Variants in PLXNA4 observed in about 807,000 individuals in gnomAD.
PLXNA4 encodes plexin-A4.
PLXNA4 carries 44 observed loss-of-function variants against 191.8 expected under a neutral mutation model. The observed-to-expected ratio is 0.23, with a 90% CI of 0.18 to 0.29. The LOEUF is 0.29. PLXNA4 is among the 10% of genes least tolerant of loss of function. PLXNA4 has a pLI of 1.00. For missense variants in PLXNA4, 1,800 were observed against 2,488.8 expected (o/e 0.72, Z 5.89); for synonymous variants, 1,082 against 1,009.5 (o/e 1.07, Z -1.36).
At chr7:132,214,776 G>C (rs879354793) in intron 9 of PLXNA4, among the ~76,000 whole-genome samples, 44 of 152,104 alleles carry the variant, frequency 2.9e-4, no homozygotes, top group Non-Finnish European at 1.3e-4. Context: ...TGGGAATCCT[G>C]TAACTGTGAG....
chr7:132,576,267 C>T lies in PLXNA4; in HGVS notation c.-87+155G>A, dbSNP rs1262422155. 6.6e-6 allele frequency among the ~76,000 whole-genome samples: 1 copy of T among 152,082 alleles called. No individual in the cohort carries two copies. Among genetic ancestry groups the T allele is most frequent in the Non-Finnish European group, 1.5e-5 (1 of 68,016 alleles). ...GCAGGTGCGCGAGCGCCGTGTGTGC[C>T]GGTGTGGATCTGTGTGTGTGCCTGC... On this transcript the variant is annotated intron_variant, in intron 1 of 31. Transcript: ENST00000321063. This position sits in a 1 kb window ranked among gnomAD's most constrained non-coding sequence, Gnocchi z 5.8.
intron 14 of PLXNA4, among the ~76,000 whole-genome samples, chr7:132,192,276 C>T (rs1190228231): frequency 3.3e-5 from 5 of 152,144 alleles, no homozygotes; most frequent in Non-Finnish European, 5.9e-5. Context: ...ATTCATCATC[C>T]ATTAACCCCC....
chr7:132,499,726 T>G (rs1201174266), intron 2 of PLXNA4, among the ~76,000 whole-genome samples: 2 of 152,182 alleles, frequency 1.3e-5, no homozygotes, highest in Non-Finnish European at 2.9e-5. Context: ...GAAATAAATT[T>G]TATTAGCCCC....
At chr7:132,227,664 T>A in intron 6 of PLXNA4, 60 bp from the exon 7 acceptor site, 1 of 1,602,446 alleles carries the variant, frequency 6.2e-7, no homozygotes, top group Middle Eastern at 1.7e-4. Flanking sequence ...AGGACAGGTA[T>A]GGAATAAAAA....
In PLXNA4 at chr7:132,228,396, G is replaced by A. The variant is rs374091023; in HGVS notation, c.1678C>T (p.Arg560Trp). The A allele has an allele frequency of 2.9e-5, 46 of 1,613,970 alleles. 1 individual carries two copies. Among genetic ancestry groups the A allele is most frequent in the Non-Finnish European group, 3.3e-5 (39 of 1,180,028 alleles). The stretch of plus-strand genomic sequence containing the variant: ...ATATTGTTGGGATGGACCGTCAGCC[G>A]GACACACTGCTTCATCTCCGAGGCA... ...RFASEMKQCV[R>W]LTVHPNNISV... is the part of the protein sequence containing the mutation. Residue 560 changes from arginine to tryptophan, a missense_variant, in exon 6 of 32, where the codon CGG (arginine) becomes TGG (tryptophan). Arg to Trp is a moderately radical substitution (Grantham distance 101). Transcript: ENST00000321063.
intron 4 of PLXNA4, among the ~76,000 whole-genome samples, chr7:132,258,472 G>A (rs1799509923): frequency 6.6e-6 from 1 of 152,220 alleles, no homozygotes; most frequent in African/African-American, 2.4e-5. Context: ...CTTGTTTTTG[G>A]GAGCAGAGTC....
chr7:132,276,415 C>T (rs1800282149), intron 4 of PLXNA4, among the ~76,000 whole-genome samples: 1 of 152,184 alleles, frequency 6.6e-6, no homozygotes, highest in South Asian at 2.1e-4. Flanking sequence ...GAGACTTCCT[C>T]CTACTCCCAC....
rs766542462 is a variant in PLXNA4, at chr7:132,164,216, C to T, written c.4426G>A (p.Ala1476Thr). 24 of 1,614,104 alleles carry T rather than the reference C, an allele frequency of 1.5e-5. No homozygotes were observed. Among genetic ancestry groups the T allele is most frequent in the African/African-American group, 6.7e-5 (5 of 74,946 alleles). Residue 1476 changes from alanine to threonine, a missense_variant, in exon 24 of 32, where the codon GCC (alanine) becomes ACC (threonine). Physicochemically the swap from Ala to Thr is moderately conservative, Grantham distance 58 (BLOSUM62 0). Around this residue, in one of 6 missense-constraint regions of PLXNA4, gnomAD observed 214 missense variants for 298.2 expected, o/e 0.72. Coordinates refer to ENST00000321063, the MANE Select transcript of PLXNA4 (RefSeq NM_020911.2). ...GAGTAGCGGGCCTCGCCCGTGATGGCGTCAATGGGGCCCTTCTCCATCTGC... is the reference window on the plus strand; with the variant it reads ...GAGTAGCGGGCCTCGCCCGTGATGGTGTCAATGGGGCCCTTCTCCATCTGC... ...KQQMEKGPID[A>T]ITGEARYSLS...
chr7:132,566,926 C>G (rs1801753400), intron 1 of PLXNA4, among the ~76,000 whole-genome samples: 1 of 152,140 alleles, frequency 6.6e-6, no homozygotes, highest in African/African-American at 2.4e-5. Context: ...CCTATTTTAT[C>G]AGTACAGTGA....
At chr7:132,187,403 A>G in intron 15 of PLXNA4, 68 bp downstream of exon 15, 10 of 1,554,004 alleles carry the variant, frequency 6.4e-6, no homozygotes, top group African/African-American at 1.4e-5. Flanking sequence ...AAACAAAGCT[A>G]CCCTGAAGTC....
chr7:132,237,345 C>T (rs76793014), intron 5 of PLXNA4, among the ~76,000 whole-genome samples: 5,518 of 152,272 alleles, frequency 0.036, 112 homozygotes, highest in Non-Finnish European at 0.055. Context: ...GGTGCCTGCT[C>T]TTGTATCAAG....
intron 1 of PLXNA4, among the ~76,000 whole-genome samples, chr7:132,567,564 G>T (rs1343670474): frequency 6.6e-6 from 1 of 152,080 alleles, no homozygotes; most frequent in African/African-American, 2.4e-5. Flanking sequence ...ATATTAGTCT[G>T]GTTCACCCTA....
Position 132,424,035 on chromosome 7 carries a change from G to A in PLXNA4, c.1371+65257C>T, listed in dbSNP as rs564257877. Among the ~76,000 whole-genome samples the A allele has an allele frequency of 2.0e-5, 3 of 152,170 alleles. No homozygotes were observed. In the South Asian group the frequency reaches 6.2e-4, roughly 32 times the overall value. On this transcript the variant is annotated intron_variant, in intron 3 of 31. Coordinates refer to ENST00000321063, the MANE Select transcript of PLXNA4 (RefSeq NM_020911.2). ...GAACATGCCCTTTGCCTCTAACCAC[G>A]AGCAGGGGTCACCTGAGGCCCTTGA... is the stretch of plus-strand genomic sequence containing the variant.
intron 1 of PLXNA4, among the ~76,000 whole-genome samples, chr7:132,571,017 A>T (rs760107740): frequency 1.3e-5 from 2 of 152,180 alleles, no homozygotes; most frequent in African/African-American, 4.8e-5. Context: ...CTCAAGTTGG[A>T]CAGAACTTTT....
chr7:132,186,880 G>A (rs1050987285), intron 15 of PLXNA4, among the ~76,000 whole-genome samples: 35 of 151,926 alleles, frequency 2.3e-4, no homozygotes, highest in Non-Finnish European at 3.8e-4. Context: ...TAACAAATTC[G>A]CCACAAGATC....
At chr7:132,485,542 T>A (rs972000195) in intron 3 of PLXNA4, among the ~76,000 whole-genome samples, 26 of 152,202 alleles carry the variant, frequency 1.7e-4, no homozygotes, top group Admixed American at 1.6e-3. Flanking sequence ...AGAAATCTCG[T>A]GCTTCTGAGA....
chr7:132,299,101 C>A (rs1387087420), intron 3 of PLXNA4, among the ~76,000 whole-genome samples: 5 of 152,196 alleles, frequency 3.3e-5, no homozygotes, highest in Non-Finnish European at 2.9e-5. Flanking sequence ...GTGCATAGAT[C>A]CAACATGACC....
intron 2 of PLXNA4, among the ~76,000 whole-genome samples, chr7:132,624,254 G>T (rs1803327340): frequency 6.6e-6 from 1 of 152,120 alleles, no homozygotes; most frequent in African/African-American, 2.4e-5. Context: ...CTCTGATGCT[G>T]CCATCATAAT....
At chr7:132,489,608 A>G (rs1330949277) in intron 2 of PLXNA4, 134 bp from the exon 3 acceptor site, 3 of 848,240 alleles carry the variant, frequency 3.5e-6, no homozygotes. Flanking sequence ...TTTTTACATG[A>G]AAAACGTCAC....
Sources: allele counts gnomAD v4.1 joint callset (sites outside exome capture counted in the v4.1 genomes callset), GRCh38; gene constraint gnomAD v4.1.1; regional missense constraint gnomAD v4.1.1; non-coding constraint Gnocchi (gnomAD v3.1); transcripts MANE v1.5; gene names NCBI Gene and HGNC (gene_info 2026-07-23, HGNC 2026-07-21).